Variants in RNF38 observed in about 807,000 individuals in gnomAD.
RNF38 encodes the protein ring finger protein 38.
A neutral mutation model predicts 67.2 loss-of-function variants in RNF38; 15 were observed. The observed-to-expected ratio is 0.22, with a 90% CI of 0.15 to 0.34. The LOEUF (loss-of-function observed/expected upper bound fraction) is 0.34. Among genes scored for constraint, RNF38 ranks in the 10% least tolerant of loss-of-function variants. RNF38 has a pLI of 1.00. For synonymous variants in RNF38, 220 were observed against 218.8 expected, an observed-to-expected ratio of 1.01 and a Z score of -0.05; for missense variants, 524 against 639.9, an observed-to-expected ratio of 0.82 and a Z score of 1.95.
chr9:36,346,284 C>T lies in RNF38; in HGVS notation c.1264-1331G>A, dbSNP rs139307913. On this transcript the variant is annotated intron_variant, in intron 9 of 11. Transcript: ENST00000259605. ...GCAATGGCATGATCTTGGTTAACTG[C>T]AACCTCTGCCTCCCAGGTTCAGGCG... 2.7e-4 allele frequency among the ~76,000 whole-genome samples: 41 copies of T among 152,276 alleles called. No homozygotes were observed. The East Asian group carries it at 7.5e-3, about 28-fold the overall frequency.
At chr9:36,474,808 T>C (rs2134426986) in intron 1 of RNF38, among the ~76,000 whole-genome samples, 1 of 148,120 alleles carries the variant, frequency 6.8e-6, no homozygotes, top group South Asian at 2.2e-4. Flanking sequence ...AAAAGAGGCA[T>C]TATAGGCTGA....
At chr9:36,358,269 A>G (rs1834274014) in intron 4 of RNF38, among the ~76,000 whole-genome samples, 2 of 152,348 alleles carry the variant, frequency 1.3e-5, no homozygotes, top group South Asian at 4.1e-4. Context: ...TAAAGCTTGT[A>G]TCTTCCATTA....
At chr9:36,400,526 T>G (rs1397448836), upstream of RNF38, 87 of 992,130 alleles carry the variant, frequency 8.8e-5, no homozygotes, top group Non-Finnish European at 1.0e-4. Flanking sequence ...GCCCTCGCGC[T>G]GCAGCCAACG....
At position 36,338,459 on chromosome 9, in the gene RNF38, G is replaced by C. The variant is rs754074103; in HGVS notation, c.*1293C>G. On this transcript the variant is annotated 3_prime_UTR_variant, in exon 12 of 12. Coordinates refer to ENST00000259605, the MANE Select transcript of RNF38 (RefSeq NM_022781.5). Reference sequence around the variant, plus strand: ...GGTCTAAGGAACATGAGCTGTAACAGCACTTGATCCATCCTGAAACCAGGG... The same window carrying C: ...GGTCTAAGGAACATGAGCTGTAACACCACTTGATCCATCCTGAAACCAGGG... 2.0e-5 allele frequency: 3 copies of C among 152,216 alleles called. No homozygotes were observed. Among genetic ancestry groups the C allele is most frequent in the Non-Finnish European group, 4.4e-5 (3 of 68,032 alleles). 9.4% of individuals were successfully genotyped at this position (152,216 alleles called of 1,614,324 possible).
chr9:36,353,440 T>A, intron 6 of RNF38, 109 bp from the exon 7 acceptor site: 1 of 685,442 alleles, frequency 1.5e-6, no homozygotes, highest in Non-Finnish European at 2.2e-6. Flanking sequence ...AAAATGTCTT[T>A]AAGGCCATGC....
At chr9:36,478,797 A>G (rs1035781112) in intron 1 of RNF38, among the ~76,000 whole-genome samples, 12 of 149,066 alleles carry the variant, frequency 8.1e-5, no homozygotes, top group African/African-American at 3.0e-4. Context: ...AGCCTGGGCA[A>G]CAAGAGTGAA....
At chr9:36,401,426 C>G (rs944006179), upstream of RNF38, among the ~76,000 whole-genome samples, 13 of 152,032 alleles carry the variant, frequency 8.6e-5, no homozygotes, top group African/African-American at 3.1e-4. Flanking sequence ...CAAACAGTAA[C>G]TGACCTCACG....
intron 1 of RNF38, among the ~76,000 whole-genome samples, chr9:36,485,098 G>A (rs1840372767): frequency 6.6e-6 from 1 of 152,224 alleles, no homozygotes; most frequent in Non-Finnish European, 1.5e-5. Context: ...GAACCAGGGA[G>A]GCGGAGCTTG....
Position 36,337,559 on chromosome 9 carries a change from C to T in RNF38, c.*2193G>A, listed in dbSNP as rs1832540698. The stretch of plus-strand genomic sequence containing the variant: ...CTTGCATGCTTCAATAAAATGAATA[C>T]TGAGTGTCGTAGTGTTAGATCTGTA... On this transcript the variant is annotated 3_prime_UTR_variant, in exon 12 of 12. Coordinates refer to ENST00000259605, the MANE Select transcript of RNF38 (RefSeq NM_022781.5). 1 of 152,568 alleles carries T rather than the reference C, an allele frequency of 6.6e-6. No homozygotes were observed. Among genetic ancestry groups the T allele is most frequent in the East Asian group, 1.9e-4 (1 of 5,194 alleles). 9.5% of individuals were successfully genotyped at this position (152,568 alleles called of 1,614,324 possible). A position where few individuals can be genotyped will look rare whatever the true frequency, so the allele number is the denominator to read the frequency against.
At chr9:36,482,797 T>C (rs577768838) in intron 1 of RNF38, among the ~76,000 whole-genome samples, 6 of 152,338 alleles carry the variant, frequency 3.9e-5, no homozygotes, top group South Asian at 2.1e-4. Flanking sequence ...TGGAGAACTC[T>C]TGAAGCCCCT....
chr9:36,382,899 T>A (rs1836313682), intron 2 of RNF38, among the ~76,000 whole-genome samples: 1 of 152,096 alleles, frequency 6.6e-6, no homozygotes, highest in African/African-American at 2.4e-5. Context: ...ATTCCACAAT[T>A]AAGGAAAAAC....
chr9:36,400,580 G>A (rs151163724), upstream of RNF38: 2,400 of 986,884 alleles, frequency 2.4e-3, 39 homozygotes, highest in African/African-American at 0.039. Flanking sequence ...CGCCCTGCCG[G>A]GCAGCTCCCG....
chr9:36,440,230 A>G (rs1432208969), intron 1 of RNF38, among the ~76,000 whole-genome samples: 2 of 151,216 alleles, frequency 1.3e-5, no homozygotes, highest in African/African-American at 4.9e-5. Context: ...TGGGCAACAC[A>G]GCAAGACTCT....
rs1332021702 is a variant in RNF38 at position 36,353,131 on chromosome 9, C to G, written c.1071+39G>C. 4 of 1,565,106 alleles carry G rather than the reference C, an allele frequency of 2.6e-6. No individual in the cohort carries two copies. The South Asian group carries it at 4.5e-5, about 17-fold the overall frequency. ...ACATAACTCAGAACAAGTAAGTTGC[C>G]AAAGCAAGTAATTAACATAGTACTC... On this transcript the variant is annotated intron_variant, in intron 7 of 11. Transcript: ENST00000259605.
At chr9:36,485,118 G>A (rs138707688) in intron 1 of RNF38, among the ~76,000 whole-genome samples, 3 of 152,164 alleles carry the variant, frequency 2.0e-5, no homozygotes, top group East Asian at 1.9e-4. Flanking sequence ...GCAGTGAGGC[G>A]AGATCACGCC....
At chr9:36,450,371 A>G (rs1839408147) in intron 1 of RNF38, among the ~76,000 whole-genome samples, 2 of 152,210 alleles carry the variant, frequency 1.3e-5, no homozygotes, top group Admixed American at 1.3e-4. Flanking sequence ...TTGGGAGGAA[A>G]GGCAGGGAAC....
intron 2 of RNF38, among the ~76,000 whole-genome samples, chr9:36,416,938 GAT>G (rs1838490696): frequency 6.6e-6 from 1 of 151,844 alleles, no homozygotes; most frequent in Non-Finnish European, 1.5e-5. Context: ...TTTTAGTAGA[GAT>G]AGGATTTCGC....
At chr9:36,353,116 G>C (rs1331080712) in intron 7 of RNF38, 54 bp downstream of exon 7, 1 of 1,441,054 alleles carries the variant, frequency 6.9e-7, no homozygotes, top group African/African-American at 1.4e-5. Context: ...ACATAACTCA[G>C]AACAAGTAAG....
chr9:36,473,039 G>A (rs956645932), intron 1 of RNF38, among the ~76,000 whole-genome samples: 2 of 152,158 alleles, frequency 1.3e-5, no homozygotes, highest in African/African-American at 2.4e-5. Flanking sequence ...GGCTGAGGCA[G>A]GAGAATCACT....
Sources: allele counts gnomAD v4.1 joint callset (sites outside exome capture counted in the v4.1 genomes callset), GRCh38; gene constraint gnomAD v4.1.1; transcripts MANE v1.5; gene names NCBI Gene and HGNC (gene_info 2026-07-23, HGNC 2026-07-21).